AP1B1: variants seen among roughly 807,000 people sequenced by gnomAD.
AP1B1 encodes the protein AP-1 complex subunit beta-1.
Under a neutral mutation model 104.3 loss-of-function variants are expected in AP1B1, and 36 were observed. That is an observed-to-expected ratio of 0.35 (90% confidence interval 0.26 to 0.46). AP1B1 has a LOEUF of 0.46. AP1B1 is among the 20% of genes least tolerant of loss of function. The pLI is 1.00. For synonymous variants in AP1B1, 504 were observed against 517.5 expected (o/e 0.97, Z 0.35); for missense variants, 901 against 1,247.9 (o/e 0.72, Z 4.19).
intron 16 of AP1B1, among the ~76,000 whole-genome samples, 158 bp from the exon 17 acceptor site, chr22:29,334,568 T>C (rs941094969): frequency 5.3e-5 from 8 of 152,174 alleles, no homozygotes; most frequent in Admixed American, 5.2e-4. Context: ...AGGTGTGTAC[T>C]GGGAACAGAA....
chr22:29,351,645 C>T, intron 8 of AP1B1, 60 bp downstream of exon 8: 1 of 1,596,986 alleles, frequency 6.3e-7, no homozygotes, highest in Non-Finnish European at 8.5e-7. Flanking sequence ...AGCCTACAGT[C>T]TGGTGGTGGT....
At chr22:29,332,132 C>T in intron 17 of AP1B1, 1 of 517,240 alleles carries the variant, frequency 1.9e-6, no homozygotes, top group Non-Finnish European at 3.4e-6. Context: ...AGGCCAATTG[C>T]TCTGCTCTGC....
At position 29,351,175 on chromosome 22, in the gene AP1B1, A is replaced by G; in HGVS notation, c.1151T>C (p.Val384Ala). ...GACAGAGTCCCAGAGCCTCACCTCC[A>G]CCTTGATGGCGCAGCGGCCAATAGC... ...VRAIGRCAIK[V>A]EQSAERCVST... The change falls in exon 9 of 23, where the codon GTG becomes GCG. Residue 384 changes from valine to alanine, a missense_variant. By Grantham distance (64) the Val-to-Ala change is moderately conservative. This residue lies in a region of AP1B1 where 471 missense variants were observed against 696.7 expected (regional missense o/e 0.68). Transcript: ENST00000357586. 1 of 1,610,902 alleles carries G rather than the reference A, an allele frequency of 6.2e-7. No individual in the cohort carries two copies. Among genetic ancestry groups the G allele is most frequent in the Non-Finnish European group, 8.5e-7 (1 of 1,177,482 alleles).
chr22:29,378,586 G>A (rs1453618288), intron 1 of AP1B1, among the ~76,000 whole-genome samples: 40 of 144,250 alleles, frequency 2.8e-4, no homozygotes, highest in African/African-American at 9.7e-4. Flanking sequence ...AAGGCCGGGC[G>A]CAGTGGCTCA....
At chr22:29,380,156 C>A (rs1376986777) in intron 1 of AP1B1, among the ~76,000 whole-genome samples, 2 of 152,080 alleles carry the variant, frequency 1.3e-5, no homozygotes, top group Non-Finnish European at 2.9e-5. Context: ...CACTACTGAT[C>A]ACTCCCTCCT....
chr22:29,328,917 G>T lies in AP1B1; in HGVS notation c.2776-22C>A, dbSNP rs112847243. 6 of 1,600,682 alleles carry T rather than the reference G, an allele frequency of 3.7e-6. No individual in the cohort carries two copies. In the African/African-American group the frequency reaches 5.3e-5, roughly 14 times the overall value. On this transcript the variant is annotated intron_variant, in intron 22 of 22. Coordinates refer to ENST00000357586, the MANE Select transcript of AP1B1 (RefSeq NM_001127.4). This position sits in a 1 kb window ranked among gnomAD's most constrained non-coding sequence, Gnocchi z 4.1. ...ACAGCTGCAGGGGAGAGAGGGGTCG[G>T]GGGAAAGAGCGCTCATCCCTGGGGT...
rs2061566021 is a variant in AP1B1 at position 29,331,929 on chromosome 22, A to G, written c.2310-13T>C. Reference sequence around the variant, plus strand: ...GGCCAGGCCAAAGCTGGGGAGAGAGAAGCCCCACAGGGATGGCAGGGGGAG... The same window carrying G: ...GGCCAGGCCAAAGCTGGGGAGAGAGGAGCCCCACAGGGATGGCAGGGGGAG... On this transcript the variant is annotated splice_polypyrimidine_tract_variant and intron_variant, in intron 17 of 22. Transcript: ENST00000357586. 1 of 1,604,304 alleles carries G rather than the reference A, an allele frequency of 6.2e-7. No homozygotes were observed. Among genetic ancestry groups the G allele is most frequent in the Non-Finnish European group, 8.5e-7 (1 of 1,175,930 alleles).
intron 1 of AP1B1, among the ~76,000 whole-genome samples, chr22:29,376,740 G>A (rs1217931043): frequency 6.6e-6 from 1 of 152,148 alleles, no homozygotes; most frequent in East Asian, 1.9e-4. Context: ...CATGTGTTTT[G>A]CTGCTTTGGT....
chr22:29,335,317 C>T (rs973733226), intron 16 of AP1B1, among the ~76,000 whole-genome samples: 3 of 152,178 alleles, frequency 2.0e-5, no homozygotes, highest in East Asian at 1.9e-4. Flanking sequence ...CAGACCCCAC[C>T]GACAGCTTCC....
intron 1 of AP1B1, among the ~76,000 whole-genome samples, chr22:29,380,551 T>C (rs2062420320): frequency 6.6e-6 from 1 of 152,110 alleles, no homozygotes; most frequent in African/African-American, 2.4e-5. Flanking sequence ...GCAGTCTACA[T>C]CATCTAGTTC....
chr22:29,332,002 G>C, intron 17 of AP1B1, 86 bp from the exon 18 acceptor site: 1 of 1,371,306 alleles, frequency 7.3e-7, no homozygotes, highest in Non-Finnish European at 9.9e-7. Flanking sequence ...GGGAGCTGGG[G>C]CTGTGGTTGG....
intron 1 of AP1B1, among the ~76,000 whole-genome samples, chr22:29,380,076 TG>T (rs2062413368): frequency 6.6e-6 from 1 of 152,118 alleles, no homozygotes; most frequent in South Asian, 2.1e-4. Context: ...ATGCCAGGTG[TG>T]TTGGGTCCTG....
intron 1 of AP1B1, among the ~76,000 whole-genome samples, chr22:29,381,633 A>G (rs888952675): frequency 6.6e-6 from 1 of 152,244 alleles, no homozygotes; most frequent in African/African-American, 2.4e-5. Flanking sequence ...TTTACAGCCA[A>G]TAAATGGAAG....
intron 1 of AP1B1, among the ~76,000 whole-genome samples, chr22:29,383,690 CAAAAA>C (rs35180572): frequency 1.1e-5 from 1 of 89,800 alleles, no homozygotes; most frequent in Non-Finnish European, 2.2e-5. Context: ...GACTCCGTCT[CAAAAA>C]AAAAAAAAAA....
rs766135355 is a variant in AP1B1 at position 29,358,846 on chromosome 22, T to C, written c.405A>G (p.Pro135=). 8.7e-6 allele frequency: 14 copies of C among 1,614,104 alleles called. No homozygotes were observed. Among genetic ancestry groups the C allele is most frequent in the South Asian group, 2.2e-5 (2 of 91,088 alleles). ...PLRKCLKDED[P]YVRKTAAVCV... is the part of the protein sequence containing the mutation. ...ACACAGCTGCTGTCTTGCGCACATA[T>C]GGATCCTCGTCCTTCAGGCACTTCC... Residue 135 remains proline, a synonymous_variant, in exon 5 of 23, where the codon CCA becomes CCG. Transcript: ENST00000357586.
intron 2 of AP1B1, among the ~76,000 whole-genome samples, chr22:29,364,850 A>C (rs932786106): frequency 2.0e-5 from 3 of 152,004 alleles, no homozygotes; most frequent in Non-Finnish European, 4.4e-5. Context: ...CTGGAACTAT[A>C]GGCGGACACC....
chr22:29,329,128 C>A, intron 22 of AP1B1: 4 of 1,343,880 alleles, frequency 3.0e-6, no homozygotes, highest in Non-Finnish European at 3.8e-6. Flanking sequence ...AGCCCAGTCA[C>A]CAGAGCCCTG....
In AP1B1 at chr22:29,351,706, T is replaced by C; in HGVS notation, c.1058A>G (p.Gln353Arg). 5 of 1,613,904 alleles carry C rather than the reference T, an allele frequency of 3.1e-6. No individual in the cohort carries two copies. The highest frequency in any genetic ancestry group is 4.2e-6 in the Non-Finnish European group (5 of 1,179,996). The change falls in exon 8 of 23, where the codon CAG becomes CGG. Residue 353 changes from glutamine (Q) to arginine (R), a missense_variant and splice_region_variant. Transcript: ENST00000357586. ...IRLASQANIA[Q>R]VLAELKEYAT... Reference sequence around the variant, plus strand: ...TCCTGACCATCACACGCAGCTGACCTGGGCGATGTTGGCCTGAGAGGCCAG... The same window carrying C: ...TCCTGACCATCACACGCAGCTGACCCGGGCGATGTTGGCCTGAGAGGCCAG...
Position 29,340,689 on chromosome 22 carries a change from A to G in AP1B1, c.1965T>C (p.Ala655=). The G allele has an allele frequency of 1.3e-6, 2 of 1,578,166 alleles. No individual in the cohort carries two copies. The highest frequency in any genetic ancestry group is 1.7e-6 in the Non-Finnish European group (2 of 1,161,552). Residue 655 remains alanine (A), a synonymous_variant, in exon 14 of 23, where the codon GCT becomes GCC. Transcript: ENST00000357586. The stretch of plus-strand genomic sequence containing the variant: ...CAAGGCCACCGCCAAGAAGGTCCAC[A>G]GCTCCCATCTGCACCGAGGAGGTGG... ...PLATSSVQMG[A]VDLLGGGLDS...
Sources: allele counts gnomAD v4.1 joint callset (sites outside exome capture counted in the v4.1 genomes callset), GRCh38; gene constraint gnomAD v4.1.1; regional missense constraint gnomAD v4.1.1; non-coding constraint Gnocchi (gnomAD v3.1); transcripts MANE v1.5; gene names NCBI Gene and HGNC (gene_info 2026-07-23, HGNC 2026-07-21).